The following TACR3 variants were observed in gnomAD, a reference collection of about 807,000 sequenced individuals.
TACR3 encodes the protein tachykinin receptor 3, also known as neuromedin-K receptor.
In TACR3, 34 loss-of-function variants were observed where a neutral mutation model predicts 35.0. That is an observed-to-expected ratio of 0.97 (90% CI 0.74 to 1.30). The LOEUF (loss-of-function observed/expected upper bound fraction) is 1.30, where lower values mean the gene tolerates loss of function less well. TACR3 is among the 50% of genes most tolerant of loss of function. The pLI is 0.00. For missense variants in TACR3, 558 were observed against 591.7 expected (o/e 0.94, Z 0.59); for synonymous variants, 233 against 221.1 (o/e 1.05, Z -0.48).
At chr4:103,651,953 T>A (rs1725627915) in intron 3 of TACR3, among the ~76,000 whole-genome samples, 1 of 152,072 alleles carries the variant, frequency 6.6e-6, no homozygotes, top group Admixed American at 6.6e-5. Flanking sequence ...GTGGCTGAGC[T>A]AGTATCCAAG....
At chr4:103,592,888 C>T (rs572275937) in intron 3 of TACR3, among the ~76,000 whole-genome samples, 1 of 152,192 alleles carries the variant, frequency 6.6e-6, no homozygotes, top group South Asian at 2.1e-4. Flanking sequence ...GTAACTCTTC[C>T]CTAAGGGCCA....
At chr4:103,613,773 T>C (rs1318580156) in intron 3 of TACR3, among the ~76,000 whole-genome samples, 1 of 152,190 alleles carries the variant, frequency 6.6e-6, no homozygotes, top group Non-Finnish European at 1.5e-5. Flanking sequence ...GGTGCCAGCA[T>C]GGTTACATTT....
At chr4:103,641,654 A>G (rs1185641400) in intron 3 of TACR3, among the ~76,000 whole-genome samples, 1 of 152,010 alleles carries the variant, frequency 6.6e-6, no homozygotes, top group East Asian at 1.9e-4. Context: ...TGAAATGAGT[A>G]TATCAAAAGA....
At chr4:103,657,272 T>C (rs1167303887) in intron 2 of TACR3, among the ~76,000 whole-genome samples, 1 of 152,040 alleles carries the variant, frequency 6.6e-6, no homozygotes. Flanking sequence ...ATCCTTGCCT[T>C]TCCATTTCTC....
At chr4:103,714,275 C>T (rs1282125234) in intron 1 of TACR3, among the ~76,000 whole-genome samples, 2 of 151,960 alleles carry the variant, frequency 1.3e-5, no homozygotes. Context: ...AGCCGGAGTT[C>T]AGCTAGTTAT....
intron 1 of TACR3, among the ~76,000 whole-genome samples, chr4:103,690,060 G>C (rs1009458600): frequency 3.9e-5 from 6 of 152,096 alleles, no homozygotes; most frequent in African/African-American, 1.4e-4. Flanking sequence ...CAATGGGATG[G>C]AATATTAAAA....
chr4:103,658,342 T>C lies in TACR3; in HGVS notation c.610A>G (p.Ile204Val), dbSNP rs1725773010. 2 of 1,613,780 alleles carry C rather than the reference T, an allele frequency of 1.2e-6. No homozygotes were observed. The highest frequency in any genetic ancestry group is 8.5e-7 in the Non-Finnish European group (1 of 1,179,940). The change falls in exon 2 of 5, where the codon ATT becomes GTT. Residue 204 changes from isoleucine (I) to valine (V), a missense_variant. Coordinates refer to ENST00000304883, the MANE Select transcript of TACR3 (RefSeq NM_001059.3). ...AATGCTAGAATCCAAATACTTCCAA[T>C]GACAATCTTGGTTGCTGTAGCAGAC... ...RLSATATKIV[I>V]GSIWILAFLL...
chr4:103,685,609 C>G (rs1722210245), intron 1 of TACR3, among the ~76,000 whole-genome samples: 2 of 151,988 alleles, frequency 1.3e-5, no homozygotes. Context: ...AATCACATAC[C>G]TGACAAAGTA....
intron 1 of TACR3, among the ~76,000 whole-genome samples, chr4:103,670,423 G>A (rs1332589635): frequency 6.6e-6 from 1 of 152,012 alleles, no homozygotes. Context: ...GCTTGGGGTA[G>A]AATAGACATT....
chr4:103,596,249 C>A lies in TACR3; in HGVS notation c.889-4566G>T, dbSNP rs1724013583. Among the ~76,000 whole-genome samples the A allele has an allele frequency of 1.3e-5, 2 of 151,858 alleles. 1 individual carries two copies. Among genetic ancestry groups the A allele is most frequent in the South Asian group, 4.2e-4 (2 of 4,818 alleles). On this transcript the variant is annotated intron_variant, in intron 3 of 4. Coordinates refer to ENST00000304883, the MANE Select transcript of TACR3 (RefSeq NM_001059.3). ...TCTTTATAGCAGCATAATTTATAATCCTTTGGGTATATACCCAGTAATGGG... is the reference window on the plus strand; with the variant it reads ...TCTTTATAGCAGCATAATTTATAATACTTTGGGTATATACCCAGTAATGGG...
At chr4:103,663,388 AGAG>A (rs1725873762) in intron 1 of TACR3, among the ~76,000 whole-genome samples, 1 of 152,042 alleles carries the variant, frequency 6.6e-6, no homozygotes, top group Admixed American at 6.6e-5. Flanking sequence ...CAGCTACTCA[AGAG>A]GTTGAGGTAT....
chr4:103,601,842 G>A (rs1041639275), intron 3 of TACR3, among the ~76,000 whole-genome samples: 1 of 152,056 alleles, frequency 6.6e-6, no homozygotes, highest in African/African-American at 2.4e-5. Context: ...TTCCACTTTG[G>A]TGAATCTGAC....
At chr4:103,644,186 A>C (rs778331699) in intron 3 of TACR3, among the ~76,000 whole-genome samples, 1 of 151,836 alleles carries the variant, frequency 6.6e-6, no homozygotes, top group Admixed American at 6.6e-5. Context: ...TGTACAACTC[A>C]GATATAGAAG....
rs1001156932 is a variant in TACR3 at position 103,719,765 on chromosome 4, A to G, written c.-90T>C. The G allele has an allele frequency of 6.5e-7, 1 of 1,527,988 alleles. No individual in the cohort carries two copies. The highest frequency in any genetic ancestry group is 8.9e-7 in the Non-Finnish European group (1 of 1,126,076). 94.7% of individuals were successfully genotyped at this position (1,527,988 alleles called of 1,614,324 possible). A position where few individuals can be genotyped will look rare whatever the true frequency, so the allele number is the denominator to read the frequency against. ...TGAAGTTCTTCTCTGCCTCCTGGTC[A>G]CTTTGGTGCCGGAGTCTTCAGATAA... On this transcript the variant is annotated 5_prime_UTR_variant, in exon 1 of 5. Transcript: ENST00000304883.
intron 1 of TACR3, among the ~76,000 whole-genome samples, chr4:103,682,988 C>T (rs1578255761): frequency 1.3e-5 from 2 of 152,030 alleles, no homozygotes; most frequent in Admixed American, 1.3e-4. Context: ...ACATATGCCA[C>T]GTTTTATTGG....
chr4:103,612,094 G>GTATC (rs1724525928), intron 3 of TACR3, among the ~76,000 whole-genome samples: 1 of 152,036 alleles, frequency 6.6e-6, no homozygotes, highest in African/African-American at 2.4e-5. Context: ...TTTTCTTATT[G>GTATC]TATCTGAAAT....
intron 3 of TACR3, among the ~76,000 whole-genome samples, chr4:103,650,849 AATATATATATCTCATATATAATAAT>A (rs1725598474): frequency 2.4e-5 from 1 of 41,728 alleles, no homozygotes; most frequent in African/African-American, 1.5e-4. Context: ...TATATATAAT[AATATATATATCTCATATATAATAAT>A]ATATATATCT....
intron 3 of TACR3, chr4:103,624,467 T>TAAAG (rs1724847646): frequency 6.6e-6 from 1 of 151,884 alleles, no homozygotes; most frequent in South Asian, 2.1e-4. Context: ...AAAAAAAGAT[T>TAAAG]AAAGACAGGC....
intron 1 of TACR3, among the ~76,000 whole-genome samples, chr4:103,711,588 C>G (rs953809226): frequency 6.6e-6 from 1 of 152,232 alleles, no homozygotes; most frequent in Admixed American, 6.5e-5. Flanking sequence ...TGGCACAAGA[C>G]AGGGATGCCC....
Sources: gnomAD v4.1 joint callset for allele counts (sites outside exome capture counted in the v4.1 genomes callset) on GRCh38, gnomAD v4.1.1 for gene constraint, MANE v1.5 for transcripts, NCBI Gene and HGNC (gene_info 2026-07-23, HGNC 2026-07-21) for gene names.